The following PDE4C variants were observed in gnomAD, a reference collection of about 807,000 sequenced individuals.
The protein encoded by PDE4C is phosphodiesterase 4C, also known as 3',5'-cyclic-AMP phosphodiesterase 4C.
PDE4C carries 50 observed loss-of-function variants against 63.9 expected under a neutral mutation model. That is an observed-to-expected ratio of 0.78 (90% CI 0.62 to 0.99). The LOEUF is 0.99. PDE4C is among the 50% of genes least tolerant of loss of function. The pLI is 0.00. For missense variants in PDE4C, 777 were observed against 899.1 expected (o/e 0.86, Z 1.74); for synonymous variants, 377 against 385.1 (o/e 0.98, Z 0.25).
chr19:18,221,011 G>T (rs1968450828), intron 4 of PDE4C, 88 bp from the exon 5 acceptor site: 3 of 1,473,680 alleles, frequency 2.0e-6, no homozygotes, highest in Non-Finnish European at 1.8e-6. Context: ...AACCCACCTG[G>T]AGGCGCCGGA....
At chr19:18,208,416 C>T (rs950196613), downstream of PDE4C, 6 of 152,320 alleles carry the variant, frequency 3.9e-5, no homozygotes, top group African/African-American at 1.4e-4. Flanking sequence ...ACGAGCTCTT[C>T]CCGGCGAGGT....
chr19:18,226,343 C>T, exon 1 of PDE4C: 3 of 1,531,862 alleles, frequency 2.0e-6, no homozygotes, highest in Non-Finnish European at 2.6e-6. Flanking sequence ...CTGAAGAGCC[C>T]GGGGGAGCCG....
At chr19:18,246,064 G>T (rs1178126696) in intron 1 of PDE4C, among the ~76,000 whole-genome samples, 1 of 110,134 alleles carries the variant, frequency 9.1e-6, no homozygotes. Flanking sequence ...AGGCTGGAGT[G>T]CAGTGCAGTG....
rs1172778072 is a variant in PDE4C, at chr19:18,225,117, G to A, written c.146+1153C>T. 2.6e-5 allele frequency among the ~76,000 whole-genome samples: 4 copies of A among 152,302 alleles called. No homozygotes were observed. In the East Asian group the frequency reaches 7.7e-4, roughly 29 times the overall value. On this transcript the variant is annotated intron_variant, in intron 1 of 14. Coordinates refer to ENST00000262805, the Ensembl canonical transcript of PDE4C. ...TTCTTTCTGCTCTAAACTTAGCCGG[G>A]AGCGGCGGGGTCAGGCTGTGGTTCC... is the stretch of plus-strand genomic sequence containing the variant.
intron 7 of PDE4C, chr19:18,219,798 A>G (rs12463335): frequency 0.56 from 113,032 of 202,418 alleles, 33,209 homozygotes; most frequent in Non-Finnish European, 0.62. Flanking sequence ...ACTCCCGCCT[A>G]GGCAACAAAG....
intron 1 of PDE4C, among the ~76,000 whole-genome samples, 167 bp downstream of exon 1, chr19:18,226,103 G>A (rs1388749945): frequency 6.6e-6 from 1 of 152,238 alleles, no homozygotes; most frequent in East Asian, 1.9e-4. Context: ...GTAGGGTAAG[G>A]TAGGGTAGAG....
At chr19:18,219,707 C>G (rs1968375273) in intron 7 of PDE4C, 1 of 282,632 alleles carries the variant, frequency 3.5e-6, no homozygotes, top group African/African-American at 2.2e-5. Context: ...ACCTGTAACC[C>G]CAGCTACTCA....
intron 2 of PDE4C, 29 bp from the exon 3 acceptor site, chr19:18,221,326 C>A: frequency 6.5e-7 from 1 of 1,534,978 alleles, no homozygotes. Flanking sequence ...TCAGGGAGAG[C>A]TCTCTCCCAT....
At chr19:18,216,122 C>T (rs1024885152) in intron 12 of PDE4C, among the ~76,000 whole-genome samples, 12 of 151,952 alleles carry the variant, frequency 7.9e-5, no homozygotes, top group Non-Finnish European at 1.2e-4. Context: ...TGAGCCACCA[C>T]GCCTGGCCCA....
exon 1 of PDE4C, chr19:18,233,359 A>C (rs1171465187): frequency 1.5e-5 from 13 of 894,736 alleles, no homozygotes; most frequent in Non-Finnish European, 2.1e-5. Context: ...CTGGGGCTCA[A>C]GGTGGGGCCG....
At chr19:18,236,083 C>T (rs1485025913), upstream of PDE4C, among the ~76,000 whole-genome samples, 1 of 151,510 alleles carries the variant, frequency 6.6e-6, no homozygotes, top group Non-Finnish European at 1.5e-5. Flanking sequence ...GCTGGGACTA[C>T]AGGCACCCGC....
chr19:18,220,646 G>C lies in PDE4C; in HGVS notation c.500-131C>G, dbSNP rs1968421449. ...GGCCACCCAGGACTCCTGGACCCAA[G>C]TTCCAGATCTGTTCCCCGAGTGCCT... On this transcript the variant is annotated intron_variant, in intron 5 of 14. Coordinates refer to ENST00000262805, the Ensembl canonical transcript of PDE4C. The surrounding 1 kb of genome is among the most constrained non-coding windows in gnomAD (Gnocchi z 5.1). 4 of 855,542 alleles carry C rather than the reference G, an allele frequency of 4.7e-6. No homozygotes were observed. Among genetic ancestry groups the C allele is most frequent in the Non-Finnish European group, 7.3e-6 (4 of 547,532 alleles). 53.0% of individuals were successfully genotyped at this position (855,542 alleles called of 1,614,324 possible). A position where few individuals can be genotyped will look rare whatever the true frequency, so the allele number is the denominator to read the frequency against.
At chr19:18,229,989 G>A (rs1419687606), upstream of PDE4C, among the ~76,000 whole-genome samples, 1 of 152,044 alleles carries the variant, frequency 6.6e-6, no homozygotes, top group Non-Finnish European at 1.5e-5. Flanking sequence ...CTGAATGCTT[G>A]TCGCCTGCTG....
upstream of PDE4C, among the ~76,000 whole-genome samples, chr19:18,249,139 GAAAA>G (rs1167899245): frequency 6.6e-6 from 1 of 151,562 alleles, no homozygotes; most frequent in Admixed American, 6.6e-5. Context: ...TCTCAAAAAA[GAAAA>G]AAAGAGAGAG....
intron 13 of PDE4C, among the ~76,000 whole-genome samples, chr19:18,213,061 A>G (rs769669173): frequency 6.2e-4 from 93 of 149,308 alleles, no homozygotes; most frequent in Non-Finnish European, 1.2e-3. Flanking sequence ...TGGGAGGCCG[A>G]GGTGGGCGGA....
chr19:18,241,423 T>C (rs1004238641), intron 1 of PDE4C, among the ~76,000 whole-genome samples: 38 of 151,550 alleles, frequency 2.5e-4, no homozygotes, highest in African/African-American at 8.5e-4. Flanking sequence ...CCCGCCACCA[T>C]GCCCGGCTAA....
chr19:18,217,089 C>G, intron 11 of PDE4C, 194 bp from the exon 12 acceptor site: 3 of 541,376 alleles, frequency 5.5e-6, no homozygotes, highest in Non-Finnish European at 9.5e-6. Flanking sequence ...GTGTTTGGCT[C>G]TGCCTACCCA....
upstream of PDE4C, among the ~76,000 whole-genome samples, chr19:18,236,648 C>T (rs1189023976): frequency 3.3e-5 from 5 of 152,182 alleles, no homozygotes; most frequent in African/African-American, 1.2e-4. Flanking sequence ...TTTGTCCTGT[C>T]TCTGCCTGGT....
At chr19:18,243,404 G>A (rs929763681) in intron 1 of PDE4C, among the ~76,000 whole-genome samples, 6 of 152,062 alleles carry the variant, frequency 3.9e-5, no homozygotes, top group Non-Finnish European at 5.9e-5. Context: ...CACCACATCC[G>A]GTGGTGACTG....
Sources: gnomAD v4.1 joint callset for allele counts (sites outside exome capture counted in the v4.1 genomes callset) on GRCh38, gnomAD v4.1.1 for gene constraint, Gnocchi (gnomAD v3.1) non-coding constraint, MANE v1.5 for transcripts, NCBI Gene and HGNC (gene_info 2026-07-23, HGNC 2026-07-21) for gene names.